The following NUP153 variants were observed in gnomAD, a reference collection of about 807,000 sequenced individuals.
The protein encoded by NUP153 is nuclear pore complex protein Nup153.
In NUP153, 27 loss-of-function variants were observed where a neutral mutation model predicts 134.6. The ratio of observed to expected loss-of-function variants is 0.20; its 90% CI spans 0.15 to 0.28. The LOEUF (loss-of-function observed/expected upper bound fraction) is 0.28. NUP153 is among the 10% of genes least tolerant of loss of function. The pLI is 1.00. For missense variants in NUP153, 1,821 were observed against 1,731.3 expected, an observed-to-expected ratio of 1.05 and a Z score of -0.92; for synonymous variants, 640 against 623.5, an observed-to-expected ratio of 1.03 and a Z score of -0.40.
rs903226129 is a variant in NUP153, at chr6:17,706,613, G to A, written c.-226C>T. ...GGGGGTGGCGGCCGCAGAGGCCGAGGAGGCTCCGGTCCGGCCGCCTCTGCG... is the reference window on the plus strand; with the variant it reads ...GGGGGTGGCGGCCGCAGAGGCCGAGAAGGCTCCGGTCCGGCCGCCTCTGCG... On this transcript the variant is annotated 5_prime_UTR_variant, in exon 1 of 22. Transcript: ENST00000262077. The surrounding 1 kb of genome is among the most constrained non-coding windows in gnomAD (Gnocchi z 5.9). 7 of 573,002 alleles carry A rather than the reference G, an allele frequency of 1.2e-5. No individual in the cohort carries two copies. Among genetic ancestry groups the A allele is most frequent in the Non-Finnish European group, 2.2e-5 (7 of 325,080 alleles). The allele number at this position is 573,002 out of a possible 1,614,324, so 35.5% of individuals were successfully genotyped here.
chr6:17,701,397 C>T (rs140788804), intron 1 of NUP153, among the ~76,000 whole-genome samples: 2,953 of 152,086 alleles, frequency 0.019, 33 homozygotes, highest in Middle Eastern at 0.037. Context: ...AGTGTGGTAG[C>T]TCACACCCAT....
intron 14 of NUP153, among the ~76,000 whole-genome samples, chr6:17,642,359 T>C (rs1765880798): frequency 6.9e-6 from 1 of 145,490 alleles, no homozygotes; most frequent in Non-Finnish European, 1.6e-5. Context: ...TAAGAACTCT[T>C]ATAACTCAGT....
At chr6:17,616,994 TC>T (rs1162923406) in intron 20 of NUP153, among the ~76,000 whole-genome samples, 1 of 152,158 alleles carries the variant, frequency 6.6e-6, no homozygotes, top group Non-Finnish European at 1.5e-5. Context: ...TTGTGATCTG[TC>T]CACCTCGGCC....
At chr6:17,665,116 C>A in intron 9 of NUP153, 123 bp downstream of exon 9, 1 of 484,852 alleles carries the variant, frequency 2.1e-6, no homozygotes, top group Non-Finnish European at 3.4e-6. Flanking sequence ...ATAATCATCA[C>A]TAATTCACAA....
chr6:17,625,704 CCCA>C lies in NUP153; in HGVS notation c.3901+101_3901+103del, dbSNP rs1764901769. Reference sequence around the variant, plus strand: ...CTGGTATAGATGACCAAAAGGCATTCCCACCATTTTGTGATAACCTGCTATATG... The same window carrying C: ...CTGGTATAGATGACCAAAAGGCATTCCCATTTTGTGATAACCTGCTATATG... On this transcript the variant is annotated intron_variant, in intron 19 of 21. Coordinates refer to ENST00000262077, the MANE Select transcript of NUP153 (RefSeq NM_005124.4). This position sits in a 1 kb window ranked among gnomAD's most constrained non-coding sequence, Gnocchi z 4.7. 1.2e-6 allele frequency: 1 copy of C among 863,742 alleles called. No individual in the cohort carries two copies. 53.5% of individuals were successfully genotyped at this position (863,742 alleles called of 1,614,324 possible).
Position 17,669,599 on chromosome 6 carries a change from T to C in NUP153, c.853-53A>G, listed in dbSNP as rs1428690109. 3 of 1,176,742 alleles carry C rather than the reference T, an allele frequency of 2.5e-6. No homozygotes were observed. The South Asian group carries it at 3.7e-5, about 14-fold the overall frequency. The allele number at this position is 1,176,742 out of a possible 1,614,324, so 72.9% of individuals were successfully genotyped here. A position where few individuals can be genotyped will look rare whatever the true frequency, so the allele number is the denominator to read the frequency against. On this transcript the variant is annotated intron_variant, in intron 5 of 21. Coordinates refer to ENST00000262077, the MANE Select transcript of NUP153 (RefSeq NM_005124.4). ...TGCAACATAAAATCTAAGGCACATATTTCATGCAGTGAAAATATTTACAAG... is the reference window on the plus strand; with the variant it reads ...TGCAACATAAAATCTAAGGCACATACTTCATGCAGTGAAAATATTTACAAG...
intron 2 of NUP153, among the ~76,000 whole-genome samples, chr6:17,677,404 C>T (rs1466965139): frequency 6.6e-6 from 1 of 151,768 alleles, no homozygotes; most frequent in Non-Finnish European, 1.5e-5. Flanking sequence ...AACTGTGATC[C>T]ATGCACGGGG....
At chr6:17,633,979 T>C (rs1019380168) in intron 16 of NUP153, among the ~76,000 whole-genome samples, 4 of 152,224 alleles carry the variant, frequency 2.6e-5, no homozygotes, top group African/African-American at 9.6e-5. Flanking sequence ...CTTGTCACTG[T>C]AGTCTCTTAG....
At chr6:17,677,833 T>C (rs1264162462) in intron 2 of NUP153, among the ~76,000 whole-genome samples, 1 of 151,532 alleles carries the variant, frequency 6.6e-6, no homozygotes, top group African/African-American at 2.4e-5. Context: ...AATTGTTTGA[T>C]ATTACAAATG....
At chr6:17,617,226 C>G (rs1764379315) in intron 20 of NUP153, among the ~76,000 whole-genome samples, 1 of 152,084 alleles carries the variant, frequency 6.6e-6, no homozygotes, top group South Asian at 2.1e-4. Flanking sequence ...GAAAAGGGCA[C>G]CCTGGACTTA....
At chr6:17,629,653 T>C (rs1241121299) in intron 17 of NUP153, 114 bp from the exon 18 acceptor site, 4 of 829,594 alleles carry the variant, frequency 4.8e-6, no homozygotes, top group Non-Finnish European at 7.2e-6. Context: ...AGGGCCTACT[T>C]TGAAGAGTAT....
Position 17,665,319 on chromosome 6 carries a change from G to C in NUP153, c.1135C>G (p.Arg379Gly). Residue 379 changes from arginine to glycine, a missense_variant, in exon 9 of 22, where the codon CGA (arginine) becomes GGA (glycine). Transcript: ENST00000262077. The stretch of plus-strand genomic sequence containing the variant: ...AGAGATGGTTTAAAATAAACACTTC[G>C]ATTTGTTGCTATGGAAACTGGCTTT... ...TPKPVSIATNRSVYFKPSLTP... is the reference protein window; with the variant it reads ...TPKPVSIATNGSVYFKPSLTP... 1 of 1,613,100 alleles carries C rather than the reference G, an allele frequency of 6.2e-7. No individual in the cohort carries two copies. Among genetic ancestry groups the C allele is most frequent in the South Asian group, 1.1e-5 (1 of 91,068 alleles).
intron 1 of NUP153, among the ~76,000 whole-genome samples, chr6:17,705,776 T>C (rs1770442676): frequency 6.6e-6 from 1 of 152,046 alleles, no homozygotes; most frequent in Non-Finnish European, 1.5e-5. Context: ...TATTCCACTT[T>C]CCATGTAACA....
intron 20 of NUP153, among the ~76,000 whole-genome samples, chr6:17,619,970 C>T (rs962632229): frequency 8.6e-5 from 13 of 151,858 alleles, no homozygotes; most frequent in African/African-American, 2.9e-4. Flanking sequence ...TGGTGGCACG[C>T]GCCTGTAATC....
intron 2 of NUP153, 71 bp downstream of exon 2, chr6:17,688,325 A>C: frequency 8.8e-7 from 1 of 1,134,020 alleles, no homozygotes; most frequent in African/African-American, 1.5e-5. Flanking sequence ...ATTTACCATA[A>C]CTAGGTAGTG....
At chr6:17,695,793 A>C (rs1205194522) in intron 1 of NUP153, among the ~76,000 whole-genome samples, 1 of 152,214 alleles carries the variant, frequency 6.6e-6, no homozygotes, top group Non-Finnish European at 1.5e-5. Context: ...GCGGATCATG[A>C]GGTCAGGAGA....
intron 1 of NUP153, among the ~76,000 whole-genome samples, chr6:17,705,519 G>T (rs1184897581): frequency 6.8e-6 from 1 of 147,186 alleles, no homozygotes; most frequent in Non-Finnish European, 1.5e-5. Flanking sequence ...ATCAGAGCTG[G>T]AGTCCCGGTC....
At chr6:17,630,411 G>A (rs1475745753) in intron 17 of NUP153, among the ~76,000 whole-genome samples, 1 of 152,172 alleles carries the variant, frequency 6.6e-6, no homozygotes, top group Non-Finnish European at 1.5e-5. Context: ...TGGAATCCCA[G>A]CACTTTGGGA....
intron 14 of NUP153, among the ~76,000 whole-genome samples, chr6:17,644,013 C>A (rs1191780333): frequency 6.6e-6 from 1 of 151,664 alleles, no homozygotes; most frequent in Non-Finnish European, 1.5e-5. Context: ...ATGGAAATTC[C>A]TTATTAATTT....
Sources: gnomAD v4.1 joint callset for allele counts (sites outside exome capture counted in the v4.1 genomes callset) on GRCh38, gnomAD v4.1.1 for gene constraint, Gnocchi (gnomAD v3.1) non-coding constraint, MANE v1.5 for transcripts, NCBI Gene and HGNC (gene_info 2026-07-23, HGNC 2026-07-21) for gene names.